DLEC1: variants seen among roughly 807,000 people sequenced by gnomAD.
DLEC1 encodes the protein DLEC1 cilia and flagella associated protein.
Under a neutral mutation model 198.1 loss-of-function variants are expected in DLEC1, and 146 were observed. The ratio of observed to expected loss-of-function variants is 0.74; its 90% CI spans 0.64 to 0.85. The LOEUF is 0.85. DLEC1 is among the 40% of genes least tolerant of loss of function. The probability of loss-of-function intolerance (pLI) is 0.00; values close to 1 mark genes in which losing one functional copy is unlikely to be tolerated. For missense variants in DLEC1, 2,233 were observed against 2,220.0 expected, an observed-to-expected ratio of 1.01 and a Z score of -0.12; for synonymous variants, 897 against 866.8, an observed-to-expected ratio of 1.03 and a Z score of -0.61.
At chr3:38,045,741 A>C (rs1700860183) in intron 2 of DLEC1, 48 bp downstream of exon 2, 2 of 1,554,294 alleles carry the variant, frequency 1.3e-6, no homozygotes, top group Non-Finnish European at 1.7e-6. Flanking sequence ...CGGGCTGTTG[A>C]TATTTCACTG....
intron 23 of DLEC1, 48 bp from the exon 24 acceptor site, chr3:38,111,629 G>T: frequency 6.3e-7 from 1 of 1,592,868 alleles, no homozygotes; most frequent in South Asian, 1.1e-5. Context: ...CAGGTCTTGG[G>T]ACAGGCTTGT....
rs1700398375 is a variant in DLEC1, at chr3:38,120,593, C to T, written c.4850C>T (p.Thr1617Ile). 1 of 1,613,470 alleles carries T rather than the reference C, an allele frequency of 6.2e-7. No individual in the cohort carries two copies. ...VFTQNLLLEYTNQTTQVVPLR... is the reference protein window; with the variant it reads ...VFTQNLLLEYINQTTQVVPLR... ...ACTCAGAACCTGCTCCTGGAGTACA[C>T]CAACCAGACCACTCAGGCACGCCCC... The change falls in exon 34 of 37, where the codon ACC becomes ATC. Residue 1617 changes from threonine to isoleucine, a missense_variant. Thr to Ile is a moderately conservative substitution (Grantham distance 89). Coordinates refer to ENST00000308059, the MANE Select transcript of DLEC1 (RefSeq NM_007335.4).
At chr3:38,056,978 G>T (rs973316065) in intron 2 of DLEC1, among the ~76,000 whole-genome samples, 7 of 152,350 alleles carry the variant, frequency 4.6e-5, no homozygotes, top group Middle Eastern at 6.8e-3. Flanking sequence ...TCAGGGAAAG[G>T]AATGAAGGCC....
chr3:38,098,199 G>A (rs146716058), intron 18 of DLEC1, among the ~76,000 whole-genome samples: 1 of 152,234 alleles, frequency 6.6e-6, no homozygotes, highest in Non-Finnish European at 1.5e-5. Context: ...GAAGAGATGG[G>A]CAGCTAGGTT....
chr3:38,120,917 G>C (rs528862840), intron 34 of DLEC1, among the ~76,000 whole-genome samples: 1 of 152,252 alleles, frequency 6.6e-6, no homozygotes, highest in Non-Finnish European at 1.5e-5. Flanking sequence ...CACGTTGACA[G>C]CCAGGCCAAA....
intron 27 of DLEC1, among the ~76,000 whole-genome samples, chr3:38,115,504 T>C (rs1489904679): frequency 3.5e-5 from 5 of 143,134 alleles, no homozygotes; most frequent in Admixed American, 1.4e-4. Flanking sequence ...GTAGGCTGAG[T>C]CTAAGAGGAA....
At chr3:38,084,431 AGTAGTG>A (rs1431265279) in intron 7 of DLEC1, among the ~76,000 whole-genome samples, 186 bp downstream of exon 7, 2,307 of 25,218 alleles carry the variant, frequency 0.091, 351 homozygotes, top group Non-Finnish European at 0.13. Flanking sequence ...TGGTAGTAGT[AGTAGTG>A]GTGGTGGTGG....
At chr3:38,096,175 T>C (rs147490414) in intron 14 of DLEC1, among the ~76,000 whole-genome samples, 2 of 152,306 alleles carry the variant, frequency 1.3e-5, no homozygotes, top group Non-Finnish European at 2.9e-5. Flanking sequence ...ACTTTGGAGC[T>C]GTGCCCCAGG....
chr3:38,053,956 G>A (rs866344555), intron 2 of DLEC1, among the ~76,000 whole-genome samples: 19 of 152,144 alleles, frequency 1.2e-4, no homozygotes, highest in Middle Eastern at 6.8e-3. Context: ...GATTAAGGGC[G>A]GTGCAAGATG....
rs1230063442 is a variant in DLEC1 at position 38,123,054 on chromosome 3, C to T, written c.*642C>T. The T allele has an allele frequency of 6.2e-7, 1 of 1,614,040 alleles. No individual in the cohort carries two copies. Among genetic ancestry groups the T allele is most frequent in the Admixed American group, 1.7e-5 (1 of 60,008 alleles). On this transcript the variant is annotated 3_prime_UTR_variant, in exon 37 of 37. Coordinates refer to ENST00000308059, the MANE Select transcript of DLEC1 (RefSeq NM_007335.4). ...TCCAGCCTGGGACCTCACTCAGTTCCCAGGGTATTCAAAGACGGCAGCGGC... is the reference window on the plus strand; with the variant it reads ...TCCAGCCTGGGACCTCACTCAGTTCTCAGGGTATTCAAAGACGGCAGCGGC...
chr3:38,081,929 G>C (rs1698047875), intron 6 of DLEC1, among the ~76,000 whole-genome samples: 2 of 146,548 alleles, frequency 1.4e-5, no homozygotes, highest in African/African-American at 5.0e-5. Flanking sequence ...CGGGGTGGCT[G>C]CCGGGCGGAG....
In DLEC1 at chr3:38,039,474, C is replaced by A. The variant is rs1378043548; in HGVS notation, c.249C>A (p.Arg83=). ...CCGAGCCTCAGCTGCTTCGTCTGCG[C>A]CCCTCCTCGCTGCGCACCCAAGATA... ...QRPEPQLLRL[R]PSSLRTQDIS... The change falls in exon 1 of 37, where the codon CGC becomes CGA. Residue 83 remains arginine (R), a synonymous_variant. Coordinates refer to ENST00000308059, the MANE Select transcript of DLEC1 (RefSeq NM_007335.4). 6.2e-7 allele frequency: 1 copy of A among 1,613,918 alleles called. No homozygotes were observed. The highest frequency in any genetic ancestry group is 1.3e-5 in the African/African-American group (1 of 74,950).
rs753115092 is a variant in DLEC1 at position 38,039,335 on chromosome 3, G to C, written c.110G>C (p.Ser37Thr). 2 of 1,614,124 alleles carry C rather than the reference G, an allele frequency of 1.2e-6. No individual in the cohort carries two copies. Among genetic ancestry groups the C allele is most frequent in the East Asian group, 4.5e-5 (2 of 44,886 alleles). ...CCACCAGCCGGGTCCAGCAGCCCCAGCCAGCCCACCTGGAAGTCCTCCTTG... is the reference window on the plus strand; with the variant it reads ...CCACCAGCCGGGTCCAGCAGCCCCACCCAGCCCACCTGGAAGTCCTCCTTG... ...TSPPAGSSSP[S>T]QPTWKSSLYS... Residue 37 changes from serine to threonine, a missense_variant, in exon 1 of 37, where the codon AGC (serine) becomes ACC (threonine). Transcript: ENST00000308059.
chr3:38,062,480 G>C (rs933866875), intron 4 of DLEC1, 101 bp from the exon 5 acceptor site: 21 of 1,575,650 alleles, frequency 1.3e-5, no homozygotes, highest in Non-Finnish European at 1.8e-5. Context: ...AAATAGAGTA[G>C]AGCTTGTGTT....
chr3:38,083,806 T>A (rs991299093), intron 6 of DLEC1, among the ~76,000 whole-genome samples: 3 of 152,054 alleles, frequency 2.0e-5, no homozygotes, highest in African/African-American at 7.2e-5. Context: ...TTTTGTTTTT[T>A]TTTTTGGTAG....
intron 8 of DLEC1, among the ~76,000 whole-genome samples, chr3:38,085,917 A>T (rs1392398282): frequency 6.6e-6 from 1 of 152,154 alleles, no homozygotes; most frequent in African/African-American, 2.4e-5. Context: ...TGGGACCGTG[A>T]TCCCCCTTAC....
At chr3:38,057,755 A>G (rs1404858917) in intron 2 of DLEC1, among the ~76,000 whole-genome samples, 2 of 151,840 alleles carry the variant, frequency 1.3e-5, no homozygotes, top group Non-Finnish European at 2.9e-5. Context: ...AGAGTGGGAC[A>G]TGGTGGAGGT....
chr3:38,084,379 T>TA (rs1698255407), intron 7 of DLEC1, 134 bp downstream of exon 7: 4 of 735,156 alleles, frequency 5.4e-6, no homozygotes, highest in Non-Finnish European at 9.0e-6. Context: ...GTAGTGATGG[T>TA]GGTAGTAGTG....
At chr3:38,057,690 C>T (rs913136811) in intron 2 of DLEC1, among the ~76,000 whole-genome samples, 1 of 152,142 alleles carries the variant, frequency 6.6e-6, no homozygotes, top group Admixed American at 6.5e-5. Flanking sequence ...ATGATACATA[C>T]GTACTCTAGT....
Sources: allele counts gnomAD v4.1 joint callset (sites outside exome capture counted in the v4.1 genomes callset), GRCh38; gene constraint gnomAD v4.1.1; transcripts MANE v1.5; gene names NCBI Gene and HGNC (gene_info 2026-07-23, HGNC 2026-07-21).